Variants in ANKRD26 observed in about 807,000 individuals in gnomAD.
ANKRD26 encodes the protein ankyrin repeat domain-containing protein 26.
A neutral mutation model predicts 208.7 loss-of-function variants in ANKRD26; 141 were observed. That is an observed-to-expected ratio of 0.68 (90% CI 0.59 to 0.78). The LOEUF is 0.78. ANKRD26 is among the 30% of genes least tolerant of loss of function. ANKRD26 has a pLI of 0.00. For synonymous variants in ANKRD26, 636 were observed against 660.4 expected (o/e 0.96, Z 0.57); for missense variants, 1,889 against 1,938.7 (o/e 0.97, Z 0.48).
intron 16 of ANKRD26, chr10:27,051,332 A>C: frequency 1.6e-6 from 2 of 1,267,280 alleles, no homozygotes; most frequent in Non-Finnish European, 2.0e-6. Context: ...CAGCAGAAAT[A>C]CTATGCCTTT....
At position 27,100,491 on chromosome 10, in the gene ANKRD26, A is replaced by C; in HGVS notation, c.-165T>G. ...GTTACCAAGCAAGCGATCCCGCTAG[A>C]CACAAGTGCGCATGCGCACCTCAGA... On this transcript the variant is annotated 5_prime_UTR_variant, in exon 1 of 34. Coordinates refer to ENST00000376087, the MANE Select transcript of ANKRD26 (RefSeq NM_014915.3). 9.2e-7 allele frequency: 1 copy of C among 1,085,042 alleles called. No individual in the cohort carries two copies. The highest frequency in any genetic ancestry group is 1.3e-6 in the Non-Finnish European group (1 of 776,392). The allele number at this position is 1,085,042 out of a possible 1,614,324, so 67.2% of individuals were successfully genotyped here. A position where few individuals can be genotyped will look rare whatever the true frequency, so the allele number is the denominator to read the frequency against.
At chr10:27,011,171 C>A (rs1264400244) in intron 32 of ANKRD26, among the ~76,000 whole-genome samples, 1 of 152,110 alleles carries the variant, frequency 6.6e-6, no homozygotes, top group Non-Finnish European at 1.5e-5. Flanking sequence ...AGCTAACGTG[C>A]ACTGATTAAA....
At chr10:26,951,019 C>CTTT in the ANKRD26 span, among the ~76,000 whole-genome samples, 61 of 48,582 alleles carry the variant, frequency 1.3e-3, no homozygotes, top group African/African-American at 2.7e-3. Context: ...TTTTCTTTTT[C>CTTT]TTTTTTTTTT....
At chr10:27,082,936 C>A in intron 5 of ANKRD26, 103 bp from the exon 6 acceptor site, 1 of 1,417,718 alleles carries the variant, frequency 7.1e-7, no homozygotes, top group Non-Finnish European at 9.5e-7. Context: ...CCCTCTGGGA[C>A]CATATCTGGA....
chr10:27,066,547 A>C lies in ANKRD26; in HGVS notation c.1209T>G (p.Asp403Glu), dbSNP rs755092381. ...VDEVHKNNRS[D>E]MMSALGLGQE... ...GTCCTAATCCTAATGCGGACATCAT[A>C]TCTATCAAATGTGATACACAGATAT... Residue 403 changes from aspartate (D) to glutamate (E), a missense_variant and splice_region_variant, in exon 11 of 34, where the codon GAT (aspartate) becomes GAG (glutamate). Physicochemically the swap from Asp to Glu is conservative, Grantham distance 45 (BLOSUM62 2). Transcript: ENST00000376087. 2 of 1,593,458 alleles carry C rather than the reference A, an allele frequency of 1.3e-6. No individual in the cohort carries two copies. The highest frequency in any genetic ancestry group is 2.2e-5 in the South Asian group (2 of 89,708).
Position 27,059,115 on chromosome 10 carries a change from C to T in ANKRD26, c.1564+1230G>A, listed in dbSNP as rs543179713. The stretch of plus-strand genomic sequence containing the variant: ...ATTTTTGGTAAAGATGGGGTTTCAC[C>T]GTGTTAGCCGGGATGGTCTCGATCT... On this transcript the variant is annotated intron_variant, in intron 15 of 33. Coordinates refer to ENST00000376087, the MANE Select transcript of ANKRD26 (RefSeq NM_014915.3). Among the ~76,000 whole-genome samples the T allele has an allele frequency of 6.6e-5, 10 of 152,014 alleles. No homozygotes were observed. In the East Asian group the frequency reaches 9.7e-4, roughly 15 times the overall value.
At chr10:26,980,790 C>T (rs551695124) in exon 5 of ANKRD26, among the ~76,000 whole-genome samples, 1 of 152,170 alleles carries the variant, frequency 6.6e-6, no homozygotes, top group South Asian at 2.1e-4. Flanking sequence ...GCAGAGGAAA[C>T]AGATCTGGTC....
chr10:27,067,393 A>G, intron 9 of ANKRD26, 107 bp from the exon 10 acceptor site: 1 of 1,293,628 alleles, frequency 7.7e-7, no homozygotes, highest in Non-Finnish European at 1.1e-6. Context: ...CCATAAAGAA[A>G]TACCTGGTCA....
At chr10:27,028,612 TA>T (rs2053758628) in intron 27 of ANKRD26, among the ~76,000 whole-genome samples, 3 of 131,698 alleles carry the variant, frequency 2.3e-5, no homozygotes, top group African/African-American at 8.4e-5. Context: ...AAAAATTACA[TA>T]AAAGTAACTT....
chr10:27,000,194 C>T (rs528847700), downstream of ANKRD26, among the ~76,000 whole-genome samples: 1 of 152,252 alleles, frequency 6.6e-6, no homozygotes, highest in Admixed American at 6.5e-5. Flanking sequence ...TGCCTGAACT[C>T]CTGACCCACA....
At chr10:27,051,421 G>A (rs976052192) in intron 16 of ANKRD26, 42 of 1,107,246 alleles carry the variant, frequency 3.8e-5, no homozygotes, top group East Asian at 7.2e-5. Flanking sequence ...TGAGGCACAC[G>A]TCTGATGTCT....
At chr10:27,062,403 A>G (rs1486274036) in intron 12 of ANKRD26, 1 of 202,500 alleles carries the variant, frequency 4.9e-6, no homozygotes, top group Non-Finnish European at 8.8e-6. Context: ...AGTGTGGTCC[A>G]AGGACCAGAA....
chr10:27,005,937 T>A (rs968911426), intron 33 of ANKRD26, among the ~76,000 whole-genome samples: 1 of 152,246 alleles, frequency 6.6e-6, no homozygotes, highest in Non-Finnish European at 1.5e-5. Context: ...AGCTTCTGGC[T>A]TTCTCACTCT....
At chr10:27,059,126 G>A (rs2054955215) in intron 15 of ANKRD26, among the ~76,000 whole-genome samples, 1 of 151,950 alleles carries the variant, frequency 6.6e-6, no homozygotes, top group South Asian at 2.1e-4. Flanking sequence ...GTGTTAGCCG[G>A]GATGGTCTCG....
At chr10:27,067,758 C>T (rs1188655390) in intron 9 of ANKRD26, among the ~76,000 whole-genome samples, 1 of 152,190 alleles carries the variant, frequency 6.6e-6, no homozygotes, top group Non-Finnish European at 1.5e-5. Flanking sequence ...CCAGGTCCCA[C>T]CTCCAACACT....
chr10:26,972,052 G>A (rs11015438), downstream of ANKRD26, among the ~76,000 whole-genome samples: 1,068 of 152,052 alleles, frequency 7.0e-3, 12 homozygotes, highest in African/African-American at 0.025. Flanking sequence ...TGGCTAACAC[G>A]GTGAAACCCC....
chr10:27,033,444 T>C, intron 24 of ANKRD26, 67 bp from the exon 25 acceptor site: 1 of 1,200,652 alleles, frequency 8.3e-7, no homozygotes. Context: ...AAAAATAAAT[T>C]ATGTTAATAA....
downstream of ANKRD26, among the ~76,000 whole-genome samples, chr10:26,991,707 C>T (rs1445057367): frequency 1.3e-5 from 2 of 152,216 alleles, no homozygotes; most frequent in Admixed American, 6.5e-5. Context: ...TCCCAAAGTG[C>T]TGGGATTACG....
chr10:26,985,695 C>G (rs1257202373), intron 3 of ANKRD26, among the ~76,000 whole-genome samples: 1 of 152,158 alleles, frequency 6.6e-6, no homozygotes, highest in Non-Finnish European at 1.5e-5. Context: ...AGCTCTGACA[C>G]TTCTTGTCCA....
Sources: allele counts gnomAD v4.1 joint callset (sites outside exome capture counted in the v4.1 genomes callset), GRCh38; gene constraint gnomAD v4.1.1; transcripts MANE v1.5; gene names NCBI Gene and HGNC (gene_info 2026-07-23, HGNC 2026-07-21).